The following SIPA1L1 variants were observed in gnomAD, a reference collection of about 807,000 sequenced individuals.
The protein encoded by SIPA1L1 is signal-induced proliferation-associated 1-like protein 1.
SIPA1L1 carries 26 observed loss-of-function variants against 162.7 expected under a neutral mutation model. The observed-to-expected ratio is 0.16, with a 90% CI of 0.12 to 0.22. The LOEUF is 0.22. SIPA1L1 is among the 10% of genes least tolerant of loss of function. The pLI is 1.00. For missense variants in SIPA1L1, 1,874 were observed against 2,241.0 expected, an observed-to-expected ratio of 0.84 and a Z score of 3.31; for synonymous variants, 829 against 837.4, an observed-to-expected ratio of 0.99 and a Z score of 0.17.
chr14:71,416,949 CTG>C (rs2042813429), intron 2 of SIPA1L1, among the ~76,000 whole-genome samples: 4 of 152,152 alleles, frequency 2.6e-5, no homozygotes, highest in Admixed American at 2.6e-4. Context: ...CATGGTCTCA[CTG>C]TGTTGCCCAG....
chr14:71,573,719 T>C (rs1178565529), intron 4 of SIPA1L1: 3 of 456,630 alleles, frequency 6.6e-6, no homozygotes, highest in South Asian at 1.5e-5. Flanking sequence ...ATGGTTTTTT[T>C]CTCCCCCTAA....
In SIPA1L1 at chr14:71,596,786, T is replaced by C. The variant is rs543411980; in HGVS notation, c.1498+7416T>C. Among the ~76,000 whole-genome samples the C allele has an allele frequency of 3.5e-4, 53 of 152,322 alleles. No individual in the cohort carries two copies. The East Asian group carries it at 6.9e-3, about 20-fold the overall frequency. On this transcript the variant is annotated intron_variant, in intron 5 of 23. Transcript: ENST00000381232. ...TTCCTTTGTTGGAACTCTGTTTTGA[T>C]GGGTGGTGAACCCCTGGACTTATCT...
rs573139905 is a variant in SIPA1L1, at chr14:71,570,261, C to CTTTA, written c.-302-17286_-302-17283dup. ...TTTTTCTTTTTTAAAATCCATTTAT[C>CTTTA]TTTATTTATTTATTTATTTATTTAT... is the stretch of plus-strand genomic sequence containing the variant. On this transcript the variant is annotated intron_variant, in intron 4 of 23. Coordinates refer to ENST00000381232, the MANE Select transcript of SIPA1L1 (RefSeq NM_001386936.1). Among the ~76,000 whole-genome samples the CTTTA allele has an allele frequency of 3.5e-3, 527 of 151,592 alleles. 4 individuals are homozygous for CTTTA. Among genetic ancestry groups the CTTTA allele is most frequent in the Admixed American group, 0.014 (211 of 15,228 alleles).
chr14:71,620,956 C>T (rs1189339330), intron 6 of SIPA1L1, among the ~76,000 whole-genome samples: 4 of 152,116 alleles, frequency 2.6e-5, no homozygotes, highest in East Asian at 1.9e-4. Context: ...TTGTTTTTTA[C>T]GTTCAAATTA....
In SIPA1L1 at chr14:71,377,204, C is replaced by G. The variant is rs1190771838; in HGVS notation, c.-465+56023C>G. On this transcript the variant is annotated intron_variant, in intron 2 of 23. Transcript: ENST00000381232. The surrounding 1 kb of genome is among the most constrained non-coding windows in gnomAD (Gnocchi z 4.8). Reference sequence around the variant, plus strand: ...GGCGGCGGCCGGGTGGGGGCGCCCCCCCACCTCCCAGATGGGGTGGCGGCT... The same window carrying G: ...GGCGGCGGCCGGGTGGGGGCGCCCCGCCACCTCCCAGATGGGGTGGCGGCT... Among the ~76,000 whole-genome samples the G allele has an allele frequency of 2.0e-5, 3 of 150,862 alleles. No homozygotes were observed. Among genetic ancestry groups the G allele is most frequent in the African/African-American group, 7.3e-5 (3 of 41,018 alleles).
intron 5 of SIPA1L1, among the ~76,000 whole-genome samples, chr14:71,604,479 G>A (rs1264504834): frequency 1.3e-5 from 2 of 152,004 alleles, no homozygotes. Context: ...ACATTTTTGT[G>A]TGTTTTCATG....
At chr14:71,542,308 C>CTCCTCCTCT (rs774719134) in intron 4 of SIPA1L1, among the ~76,000 whole-genome samples, 3 of 150,632 alleles carry the variant, frequency 2.0e-5, no homozygotes, top group East Asian at 3.9e-4. Flanking sequence ...CCTCTTCCTC[C>CTCCTCCTCT]TCCTCCTCTT....
At chr14:71,687,587 G>A (rs2080962522) in intron 13 of SIPA1L1, among the ~76,000 whole-genome samples, 1 of 152,184 alleles carries the variant, frequency 6.6e-6, no homozygotes, top group Non-Finnish European at 1.5e-5. Flanking sequence ...AGAAACTAAA[G>A]CTCCTTGCCA....
chr14:71,618,149 T>C (rs2039037453), intron 5 of SIPA1L1, among the ~76,000 whole-genome samples: 1 of 152,184 alleles, frequency 6.6e-6, no homozygotes, highest in Non-Finnish European at 1.5e-5. Flanking sequence ...CAAGTTACAT[T>C]AGCCCTGCAC....
At chr14:71,434,257 T>C (rs1356646396) in intron 2 of SIPA1L1, among the ~76,000 whole-genome samples, 1 of 152,184 alleles carries the variant, frequency 6.6e-6, no homozygotes, top group East Asian at 1.9e-4. Flanking sequence ...ACAGATGTCC[T>C]GTATGTTTAG....
intron 15 of SIPA1L1, chr14:71,704,817 A>G: frequency 7.0e-7 from 1 of 1,429,126 alleles, no homozygotes; most frequent in Non-Finnish European, 9.9e-7. Context: ...GGTAAGTAAC[A>G]CGTGATTGCA....
chr14:71,356,946 CAGTT>C, intron 2 of SIPA1L1, among the ~76,000 whole-genome samples: 1 of 151,662 alleles, frequency 6.6e-6, no homozygotes, highest in African/African-American at 2.4e-5. Context: ...ACTTATGAAT[CAGTT>C]AGTATAAATT....
intron 2 of SIPA1L1, among the ~76,000 whole-genome samples, chr14:71,405,881 G>C (rs1437548994): frequency 6.6e-6 from 1 of 152,154 alleles, no homozygotes; most frequent in African/African-American, 2.4e-5. Context: ...CACATTTCTT[G>C]ATATCTGAGG....
Position 71,411,693 on chromosome 14 carries a change from G to A in SIPA1L1, c.-465+90512G>A, listed in dbSNP as rs184885185. Among the ~76,000 whole-genome samples, 5 of 152,320 alleles carry A rather than the reference G, an allele frequency of 3.3e-5. No homozygotes were observed. The East Asian group carries it at 9.6e-4, about 29-fold the overall frequency. On this transcript the variant is annotated intron_variant, in intron 2 of 23. Coordinates refer to ENST00000381232, the MANE Select transcript of SIPA1L1 (RefSeq NM_001386936.1). ...CCTGCCTCTGGCACAGGTTCTACCTGGACTGCCAAACCTTCTGGTGCTTTG... is the reference window on the plus strand; with the variant it reads ...CCTGCCTCTGGCACAGGTTCTACCTAGACTGCCAAACCTTCTGGTGCTTTG...
chr14:71,548,634 C>T (rs2055472195), intron 4 of SIPA1L1, among the ~76,000 whole-genome samples: 1 of 152,088 alleles, frequency 6.6e-6, no homozygotes, highest in Admixed American at 6.5e-5. Flanking sequence ...TGGTGACTCA[C>T]ACCTGTAATC....
At chr14:71,543,871 A>ATATGTG (rs1555453967) in intron 4 of SIPA1L1, among the ~76,000 whole-genome samples, 57 of 141,874 alleles carry the variant, frequency 4.0e-4, no homozygotes, top group Non-Finnish European at 7.0e-4. Flanking sequence ...TATCATACGT[A>ATATGTG]TGTGTATATA....
At chr14:71,510,235 G>T (rs2051025796) in intron 2 of SIPA1L1, among the ~76,000 whole-genome samples, 1 of 115,122 alleles carries the variant, frequency 8.7e-6, no homozygotes. Context: ...TGCCCAGGTT[G>T]GAGTGCAGTG....
At chr14:71,399,363 C>A (rs906661692) in intron 2 of SIPA1L1, among the ~76,000 whole-genome samples, 1 of 152,146 alleles carries the variant, frequency 6.6e-6, no homozygotes, top group African/African-American at 2.4e-5. Flanking sequence ...CAAATGTGGG[C>A]TCTGGTTCTT....
At chr14:71,477,945 A>G (rs2048016065) in intron 2 of SIPA1L1, among the ~76,000 whole-genome samples, 1 of 152,170 alleles carries the variant, frequency 6.6e-6, no homozygotes, top group Admixed American at 6.5e-5. Flanking sequence ...TATTTTCCAG[A>G]GTATTTGTGT....
Sources: allele counts gnomAD v4.1 joint callset (sites outside exome capture counted in the v4.1 genomes callset), GRCh38; gene constraint gnomAD v4.1.1; non-coding constraint Gnocchi (gnomAD v3.1); transcripts MANE v1.5; gene names NCBI Gene and HGNC (gene_info 2026-07-23, HGNC 2026-07-21).